Variants in POLG observed in about 807,000 individuals in gnomAD.
The protein encoded by POLG is DNA polymerase gamma, catalytic subunit, also known as DNA polymerase subunit gamma-1.
Under a neutral mutation model 155.4 loss-of-function variants are expected in POLG, and 110 were observed. That is an observed-to-expected ratio of 0.71 (90% CI 0.61 to 0.83). The LOEUF (loss-of-function observed/expected upper bound fraction) is 0.83. POLG is among the 40% of genes least tolerant of loss of function. POLG has a pLI of 0.00. For missense variants in POLG, 1,685 were observed against 1,627.5 expected, an observed-to-expected ratio of 1.04 and a Z score of -0.61; for synonymous variants, 701 against 631.5, an observed-to-expected ratio of 1.11 and a Z score of -1.65.
Position 89,327,048 on chromosome 15 carries a change from G to C in POLG, c.1449C>G (p.Pro483=). The part of the protein sequence containing the change: ...LLSGERYKED[P]WLWDLEWDLQ... ...GGTCCCACTCCAGGTCCCAGAGCCA[G>C]GGGTCTTCTTTGTACCTACAGAGCC... The change falls in exon 8 of 23, where the codon CCC becomes CCG. Residue 483 remains proline (P), a synonymous_variant. Coordinates refer to ENST00000268124, the MANE Select transcript of POLG (RefSeq NM_002693.3). The C allele has an allele frequency of 6.2e-7, 1 of 1,614,230 alleles. No individual in the cohort carries two copies. The highest frequency in any genetic ancestry group is 8.5e-7 in the Non-Finnish European group (1 of 1,180,040).
chr15:89,326,805 G>A (rs758798352), intron 8 of POLG, 67 bp from the exon 9 acceptor site: 11 of 1,610,140 alleles, frequency 6.8e-6, no homozygotes, highest in East Asian at 4.5e-5. Context: ...GCTCCCACCC[G>A]CTCATCTCCA....
chr15:89,325,131 AGAGT>A (rs879593305), intron 10 of POLG, among the ~76,000 whole-genome samples: 885 of 44,620 alleles, frequency 0.02, 160 homozygotes, highest in Admixed American at 0.11. Context: ...AGTGAGTGAG[AGAGT>A]GAGTGAGAGA....
At chr15:89,319,182 A>G (rs2055357128) in intron 19 of POLG, 46 bp downstream of exon 19, 1 of 1,614,056 alleles carries the variant, frequency 6.2e-7, no homozygotes, top group South Asian at 1.1e-5. Context: ...CTTCTGGGGC[A>G]AGCCCAGACC....
In POLG at chr15:89,320,837, G is replaced by T; in HGVS notation, c.2910C>A (p.Asn970Lys). ...CTGCCTCCTGCTGTGTGAGCCGGTG[G>T]TTAAACTGCATTAGTAAGCGCTCAG... Reference protein sequence around the residue: ...PFAERLLMQFNHRLTQQEAAE... With the variant: ...PFAERLLMQFKHRLTQQEAAE... Residue 970 changes from asparagine to lysine, a missense_variant, in exon 18 of 23, where the codon AAC becomes AAA. Physicochemically the swap from Asn to Lys is moderately conservative, Grantham distance 94. This residue lies in a region of POLG where 470 missense variants were observed against 439.9 expected (regional missense o/e 1.07). Coordinates refer to ENST00000268124, the MANE Select transcript of POLG (RefSeq NM_002693.3). The T allele has an allele frequency of 6.2e-7, 1 of 1,613,972 alleles. No homozygotes were observed. Among genetic ancestry groups the T allele is most frequent in the South Asian group, 1.1e-5 (1 of 91,084 alleles).
chr15:89,317,694 C>CTGTT (rs781482686), intron 21 of POLG, 158 bp from the exon 22 acceptor site: 2 of 726,474 alleles, frequency 2.8e-6, no homozygotes, highest in Non-Finnish European at 4.9e-6. Flanking sequence ...AGGTCCAGCA[C>CTGTT]TGTTTTCCAT....
chr15:89,326,363 T>A (rs570352898), intron 9 of POLG, among the ~76,000 whole-genome samples: 1 of 152,334 alleles, frequency 6.6e-6, no homozygotes. Flanking sequence ...TATGCTCCAG[T>A]GTGTACACCC....
At chr15:89,332,938 G>A (rs1196274902) in intron 2 of POLG, among the ~76,000 whole-genome samples, 158 bp downstream of exon 2, 1 of 152,174 alleles carries the variant, frequency 6.6e-6, no homozygotes, top group Non-Finnish European at 1.5e-5. Context: ...ACCAGAAAGT[G>A]AGTCCCACAT....
intron 22 of POLG, 62 bp from the exon 23 acceptor site, chr15:89,316,889 G>T: frequency 8.4e-7 from 1 of 1,187,228 alleles, no homozygotes; most frequent in Non-Finnish European, 1.3e-6. Flanking sequence ...GAGCTCAGAA[G>T]TGAGCAAAGG....
intron 10 of POLG, among the ~76,000 whole-genome samples, chr15:89,325,185 AGTGAGTG>A (rs1567189748): frequency 8.1e-5 from 8 of 98,774 alleles, no homozygotes; most frequent in South Asian, 3.8e-4. Flanking sequence ...TGAGAGAGTG[AGTGAGTG>A]AGAGAGTGAG....
In POLG at chr15:89,317,475, C is replaced by T. The variant is rs1481381913; in HGVS notation, c.3544G>A (p.Ala1182Thr). ...CTGAGGCACCGGTCAATATCGACTG[C>T]ACTGAAAAAGGCGACTGACTGGGGC... ...DLPQSVAFFS[A>T]VDIDRCLRKE... is the part of the protein sequence containing the mutation. The change falls in exon 22 of 23, where the codon GCA becomes ACA. Residue 1182 changes from alanine to threonine, a missense_variant. Coordinates refer to ENST00000268124, the MANE Select transcript of POLG (RefSeq NM_002693.3). 27 of 1,614,092 alleles carry T rather than the reference C, an allele frequency of 1.7e-5. No homozygotes were observed. The highest frequency in any genetic ancestry group is 2.2e-5 in the East Asian group (1 of 44,882).
At chr15:89,322,684 G>C in intron 14 of POLG, 58 bp downstream of exon 14, 1 of 1,563,112 alleles carries the variant, frequency 6.4e-7, no homozygotes, top group Non-Finnish European at 8.8e-7. Context: ...TTAGTCAGGG[G>C]TCCCTGGGTG....
In POLG at chr15:89,316,538, T is replaced by C. The variant is rs1031175569; in HGVS notation, c.*213A>G. The C allele has an allele frequency of 5.7e-6, 8 of 1,404,346 alleles. No individual in the cohort carries two copies. In the African/African-American group the frequency reaches 1.0e-4, roughly 18 times the overall value. The allele number at this position is 1,404,346 out of a possible 1,614,324, so 87.0% of individuals were successfully genotyped here. On this transcript the variant is annotated 3_prime_UTR_variant, in exon 23 of 23. Transcript: ENST00000268124. ...ACAAGCAACAATGCCCCTTGTCCTG[T>C]AGTCCACACCGATGTTGGCATCTTG...
At chr15:89,325,251 A>AGTGAGTGAGTGAGAGAGT (rs1567189957) in intron 10 of POLG, among the ~76,000 whole-genome samples, 199 bp downstream of exon 10, 1 of 79,642 alleles carries the variant, frequency 1.3e-5, no homozygotes, top group African/African-American at 1.1e-4. Context: ...AGTGAGTGAG[A>AGTGAGTGAGTGAGAGAGT]GAGAGAGTGA....
At chr15:89,331,214 A>G (rs2055589975) in intron 2 of POLG, among the ~76,000 whole-genome samples, 2 of 152,228 alleles carry the variant, frequency 1.3e-5, no homozygotes, top group African/African-American at 4.8e-5. Context: ...GAGAAAGCAA[A>G]AAGAGGTTCC....
At chr15:89,332,954 G>C (rs1274883744) in intron 2 of POLG, 142 bp downstream of exon 2, 4 of 1,091,400 alleles carry the variant, frequency 3.7e-6, no homozygotes, top group East Asian at 5.6e-5. Context: ...CACATAAACA[G>C]GGGTCTAGTC....
In POLG at chr15:89,321,206, T is replaced by C. The variant is rs1312677626; in HGVS notation, c.2653A>G (p.Thr885Ala). The C allele has an allele frequency of 1.9e-6, 3 of 1,614,144 alleles. No individual in the cohort carries two copies. The highest frequency in any genetic ancestry group is 2.7e-5 in the African/African-American group (2 of 75,042). The part of the protein sequence containing the change: ...KAMVQAPPGY[T>A]LVGADVDSQE... ...GAGTCCACATCAGCACCCACAAGGG[T>C]GTAGCCAGGTGGGGCCTGCACCATG... Residue 885 changes from threonine to alanine, a missense_variant, in exon 17 of 23, where the codon ACC becomes GCC. Coordinates refer to ENST00000268124, the MANE Select transcript of POLG (RefSeq NM_002693.3).
At chr15:89,319,122 CAG>C (rs2055356015) in intron 19 of POLG, 23 bp from the exon 20 acceptor site, 1 of 1,614,098 alleles carries the variant, frequency 6.2e-7, no homozygotes, top group African/African-American at 1.3e-5. Context: ...AAACAGAGGG[CAG>C]ACTTTGTCTT....
chr15:89,322,342 A>C (rs945183128), intron 14 of POLG, among the ~76,000 whole-genome samples: 8 of 152,224 alleles, frequency 5.3e-5, no homozygotes, highest in Non-Finnish European at 1.2e-4. Context: ...TCTGCTCGCC[A>C]GTGTGCTGAT....
chr15:89,326,706 G>C lies in POLG; in HGVS notation c.1618C>G (p.Gln540Glu), dbSNP rs1567190872. ...CAGGCGCGGGCCATGACATCTTGTT[G>C]AAACTCCTCCTCCTCACTGCAGGGG... Reference protein sequence around the residue: ...LGPCSEEEEFQQDVMARACLQ... With the variant: ...LGPCSEEEEFEQDVMARACLQ... Residue 540 changes from glutamine (Q) to glutamate (E), a missense_variant, in exon 9 of 23, where the codon CAA (glutamine) becomes GAA (glutamate). Transcript: ENST00000268124. 3.1e-6 allele frequency: 5 copies of C among 1,614,010 alleles called. No individual in the cohort carries two copies. Among genetic ancestry groups the C allele is most frequent in the African/African-American group, 1.3e-5 (1 of 74,914 alleles).
Sources: allele counts gnomAD v4.1 joint callset (sites outside exome capture counted in the v4.1 genomes callset), GRCh38; gene constraint gnomAD v4.1.1; regional missense constraint gnomAD v4.1.1; transcripts MANE v1.5; gene names NCBI Gene and HGNC (gene_info 2026-07-23, HGNC 2026-07-21).